The following SUGP1 variants were observed in gnomAD, a reference collection of about 807,000 sequenced individuals.
SUGP1 encodes the protein SURP and G-patch domain containing 1.
A neutral mutation model predicts 76.5 loss-of-function variants in SUGP1; 34 were observed. That is an observed-to-expected ratio of 0.44 (90% CI 0.34 to 0.59). The LOEUF (loss-of-function observed/expected upper bound fraction) is 0.59. Among genes scored for constraint, SUGP1 ranks in the 20% least tolerant of loss-of-function variants. SUGP1 has a pLI of 0.01. For synonymous variants in SUGP1, 326 were observed against 326.2 expected, an observed-to-expected ratio of 1.00 and a Z score of 0.01; for missense variants, 752 against 851.7, an observed-to-expected ratio of 0.88 and a Z score of 1.46.
intron 7 of SUGP1, among the ~76,000 whole-genome samples, chr19:19,298,936 G>A (rs948901886): frequency 2.0e-5 from 3 of 152,112 alleles, no homozygotes; most frequent in Non-Finnish European, 2.9e-5. Flanking sequence ...TGCCCATCTC[G>A]GGGAGGGGGT....
At chr19:19,283,089 AAGTT>A (rs1287953639) in intron 8 of SUGP1, among the ~76,000 whole-genome samples, 5 of 151,712 alleles carry the variant, frequency 3.3e-5, no homozygotes, top group Non-Finnish European at 7.4e-5. Context: ...AAAAAAAAAA[AAGTT>A]AGGAGTGTCA....
At position 19,289,418 on chromosome 19, in the gene SUGP1, A is replaced by G. The variant is rs139866314; in HGVS notation, c.1243+7571T>C. The stretch of plus-strand genomic sequence containing the variant: ...GGAGTTTGAGACCAGCCTAGCCTGC[A>G]TGGTGAAATCCCATTTCTACTAAAA... On this transcript the variant is annotated intron_variant, in intron 8 of 13. Transcript: ENST00000247001. Among the ~76,000 whole-genome samples, 1,517 of 151,824 alleles carry G rather than the reference A, an allele frequency of 1.0e-2. 31 individuals are homozygous for G. Among genetic ancestry groups the G allele is most frequent in the African/African-American group, 0.034 (1,413 of 41,402 alleles).
chr19:19,312,945 G>A (rs947074533), intron 2 of SUGP1, among the ~76,000 whole-genome samples: 1 of 151,274 alleles, frequency 6.6e-6, no homozygotes, highest in Non-Finnish European at 1.5e-5. Context: ...AGCCGAGATC[G>A]TGCCACTGCA....
At chr19:19,296,842 T>C in intron 8 of SUGP1, 147 bp downstream of exon 8, 1 of 649,914 alleles carries the variant, frequency 1.5e-6, no homozygotes. Context: ...GTAAGCCAAA[T>C]GTGGTATGTA....
intron 2 of SUGP1, among the ~76,000 whole-genome samples, chr19:19,315,543 TGCTGA>T (rs2061387859): frequency 6.6e-6 from 1 of 152,158 alleles, no homozygotes; most frequent in African/African-American, 2.4e-5. Flanking sequence ...TGGAAACCCT[TGCTGA>T]GCTATCATCC....
Position 19,277,045 on chromosome 19 carries a change from C to T in SUGP1, c.1813G>A (p.Gly605Ser), listed in dbSNP as rs2061055881. Residue 605 changes from glycine (G) to serine (S), a missense_variant, in exon 13 of 14, where the codon GGC becomes AGC. Transcript: ENST00000247001. ...GTTTVDGAGF[G>S]IDRPAELSKE... ...GAGAGCTCCGCCGGCCGGTCAATGC[C>T]GAAGCCAGCGCCGTCCACTGTGGTG... The T allele has an allele frequency of 1.9e-6, 3 of 1,612,138 alleles. No homozygotes were observed. Among genetic ancestry groups the T allele is most frequent in the Non-Finnish European group, 2.5e-6 (3 of 1,179,818 alleles).
chr19:19,318,865 G>A (rs563700602), intron 1 of SUGP1, among the ~76,000 whole-genome samples: 1 of 152,306 alleles, frequency 6.6e-6, no homozygotes, highest in Admixed American at 6.5e-5. Flanking sequence ...TAGGGTGATA[G>A]TATGGAGACA....
chr19:19,303,521 T>A, intron 5 of SUGP1, 73 bp from the exon 6 acceptor site: 1 of 1,474,666 alleles, frequency 6.8e-7, no homozygotes, highest in Non-Finnish European at 9.5e-7. Context: ...GCAGCTTCTA[T>A]CGTGCAAAAA....
chr19:19,313,498 C>T (rs2061367414), intron 2 of SUGP1, among the ~76,000 whole-genome samples: 2 of 152,096 alleles, frequency 1.3e-5, no homozygotes, highest in South Asian at 4.1e-4. Flanking sequence ...ATCACTTGAA[C>T]CCAGAAGTTC....
At chr19:19,304,625 G>C (rs1034578936) in intron 4 of SUGP1, among the ~76,000 whole-genome samples, 2 of 152,196 alleles carry the variant, frequency 1.3e-5, no homozygotes, top group South Asian at 2.1e-4. Flanking sequence ...ACTTGCTTTT[G>C]CATTTTTCCC....
intron 1 of SUGP1, 35 bp downstream of exon 1, chr19:19,320,428 C>A: frequency 6.2e-7 from 1 of 1,606,414 alleles, no homozygotes; most frequent in Admixed American, 1.7e-5. Context: ...CCCAGGGACC[C>A]AGGCGGCCGC....
intron 3 of SUGP1, 116 bp downstream of exon 3, chr19:19,309,981 G>A (rs181832443): frequency 7.2e-6 from 5 of 694,656 alleles, no homozygotes; most frequent in Middle Eastern, 4.0e-4. Flanking sequence ...GAATGAGGGC[G>A]ATCTATGATT....
At chr19:19,295,883 G>A (rs2061221484) in intron 8 of SUGP1, among the ~76,000 whole-genome samples, 1 of 151,830 alleles carries the variant, frequency 6.6e-6, no homozygotes, top group African/African-American at 2.4e-5. Flanking sequence ...TAAAACGTGG[G>A]GAAAAAAGGA....
In SUGP1 at chr19:19,297,452, T is replaced by C. The variant is rs576711290; in HGVS notation, c.888-108A>G. 40 of 784,252 alleles carry C rather than the reference T, an allele frequency of 5.1e-5. No individual in the cohort carries two copies. In the South Asian group the frequency reaches 9.7e-4, roughly 19 times the overall value. The allele number at this position is 784,252 out of a possible 1,614,324, so 48.6% of individuals were successfully genotyped here. A position where few individuals can be genotyped will look rare whatever the true frequency, so the allele number is the denominator to read the frequency against. ...GTGTGCCCACGTTGGCCAGGGTCAC[T>C]ATATGGTCATGTCATAGTCACGGTC... On this transcript the variant is annotated intron_variant, in intron 7 of 13. Transcript: ENST00000247001.
chr19:19,282,889 A>G (rs564193866), intron 8 of SUGP1, among the ~76,000 whole-genome samples: 13 of 152,292 alleles, frequency 8.5e-5, no homozygotes, highest in African/African-American at 2.4e-4. Flanking sequence ...CATCCTGGCT[A>G]ACACGGTGAA....
At chr19:19,289,404 C>A (rs2061164976) in intron 8 of SUGP1, among the ~76,000 whole-genome samples, 2 of 151,324 alleles carry the variant, frequency 1.3e-5, no homozygotes, top group African/African-American at 4.9e-5. Context: ...GAGTTTGAGA[C>A]CAGCCTAGCC....
intron 7 of SUGP1, 72 bp from the exon 8 acceptor site, chr19:19,297,416 G>GTTCTGGCCTTCTGGGCAGGAGCAA: frequency 7.5e-7 from 1 of 1,332,268 alleles, no homozygotes; most frequent in South Asian, 1.6e-5. Context: ...GGCAGGAGCA[G>GTTCTGGCCTTCTGGGCAGGAGCAA]TTCTGGCCTT....
chr19:19,317,985 A>G (rs57653580), intron 1 of SUGP1, among the ~76,000 whole-genome samples: 2,609 of 147,408 alleles, frequency 0.018, 88 homozygotes, highest in South Asian at 0.11. Context: ...TAATTTTTAT[A>G]TTTTTAGTAC....
chr19:19,302,012 G>A, intron 7 of SUGP1: 1 of 517,220 alleles, frequency 1.9e-6, no homozygotes, highest in Non-Finnish European at 3.4e-6. Flanking sequence ...CTTTCTCCAT[G>A]AGGCACCTGA....
Sources: allele counts gnomAD v4.1 joint callset (sites outside exome capture counted in the v4.1 genomes callset), GRCh38; gene constraint gnomAD v4.1.1; transcripts MANE v1.5; gene names NCBI Gene and HGNC (gene_info 2026-07-23, HGNC 2026-07-21).